The following EEF1AKMT1 variants were observed in gnomAD, a reference collection of about 807,000 sequenced individuals.
EEF1AKMT1 encodes the protein N-6 adenine-specific DNA methyltransferase 2 (putative).
In EEF1AKMT1, 18 loss-of-function variants were observed where a neutral mutation model predicts 21.0. The observed-to-expected ratio is 0.86, with a 90% CI of 0.59 to 1.27. EEF1AKMT1 has a LOEUF of 1.27. Ranked by LOEUF, EEF1AKMT1 falls within the 50% of genes most tolerant of loss-of-function variation. EEF1AKMT1 has a pLI of 0.00. For missense variants in EEF1AKMT1, 246 were observed against 258.6 expected (o/e 0.95, Z 0.33); for synonymous variants, 109 against 94.8 (o/e 1.15, Z -0.87).
chr13:20,741,421 CTTTG>C (rs775406380), intron 2 of EEF1AKMT1, among the ~76,000 whole-genome samples: 1 of 150,010 alleles, frequency 6.7e-6, no homozygotes. Context: ...CAATAGCATC[CTTTG>C]TTTGTTTGTT....
At chr13:20,754,713 T>A (rs1305158263) in intron 2 of EEF1AKMT1, among the ~76,000 whole-genome samples, 1 of 136,840 alleles carries the variant, frequency 7.3e-6, no homozygotes. Context: ...CTGGCCAACA[T>A]GGTAAAACCC....
At chr13:20,750,373 G>A (rs988626122) in intron 2 of EEF1AKMT1, among the ~76,000 whole-genome samples, 1 of 151,908 alleles carries the variant, frequency 6.6e-6, no homozygotes, top group African/African-American at 2.4e-5. Context: ...CCAGCCTCTG[G>A]TATCTATCAT....
At position 20,748,882 on chromosome 13, in the gene EEF1AKMT1, A is replaced by C. The variant is rs1402385947; in HGVS notation, c.144+8573T>G. Among the ~76,000 whole-genome samples the C allele has an allele frequency of 3.3e-5, 5 of 152,002 alleles. No individual in the cohort carries two copies. The East Asian group carries it at 9.7e-4, about 30-fold the overall frequency. On this transcript the variant is annotated intron_variant, in intron 2 of 4. Coordinates refer to ENST00000382758, the MANE Select transcript of EEF1AKMT1 (RefSeq NM_001318939.2). Reference sequence around the variant, plus strand: ...GTAGCTGGGACTACAGGCACGCGCCACCATACCTGGCTAATTTTTGTATTT... The same window carrying C: ...GTAGCTGGGACTACAGGCACGCGCCCCCATACCTGGCTAATTTTTGTATTT...
intron 4 of EEF1AKMT1, among the ~76,000 whole-genome samples, chr13:20,729,432 A>G (rs2058779018): frequency 6.6e-6 from 1 of 151,990 alleles, no homozygotes. Flanking sequence ...TTATTGAATG[A>G]ATTATTTTCC....
intron 2 of EEF1AKMT1, among the ~76,000 whole-genome samples, chr13:20,746,656 C>T (rs559236313): frequency 4.6e-5 from 7 of 152,038 alleles, no homozygotes; most frequent in Non-Finnish European, 8.8e-5. Flanking sequence ...CCTTCTTCCT[C>T]ACTCCAACAC....
intron 2 of EEF1AKMT1, among the ~76,000 whole-genome samples, chr13:20,742,675 A>T (rs138862405): frequency 1.2e-3 from 179 of 152,286 alleles, no homozygotes; most frequent in African/African-American, 4.1e-3. Flanking sequence ...TGGCTTTCTG[A>T]CAAAGTTGCT....
chr13:20,746,609 G>A lies in EEF1AKMT1; in HGVS notation c.145-8804C>T, dbSNP rs541274365. On this transcript the variant is annotated intron_variant, in intron 2 of 4. Transcript: ENST00000382758. ...CAGTATCTGCTATCATGCACCGTAAGTGGTAAGAGTTGTCTGCTGGTTTAC... is the reference window on the plus strand; with the variant it reads ...CAGTATCTGCTATCATGCACCGTAAATGGTAAGAGTTGTCTGCTGGTTTAC... 4.4e-3 allele frequency among the ~76,000 whole-genome samples: 664 copies of A among 152,344 alleles called. 4 individuals are homozygous for A. The highest frequency in any genetic ancestry group is 6.5e-3 in the Non-Finnish European group (444 of 68,038).
At chr13:20,742,509 A>G (rs934115764) in intron 2 of EEF1AKMT1, among the ~76,000 whole-genome samples, 2 of 152,212 alleles carry the variant, frequency 1.3e-5, no homozygotes, top group African/African-American at 4.8e-5. Flanking sequence ...CCATTCTGTA[A>G]TCACATCTGA....
At position 20,728,762 on chromosome 13, in the gene EEF1AKMT1, C is replaced by T. The variant is rs2058773296; in HGVS notation, c.*318G>A. 1 of 351,190 alleles carries T rather than the reference C, an allele frequency of 2.8e-6. No homozygotes were observed. Among genetic ancestry groups the T allele is most frequent in the South Asian group, 2.8e-5 (1 of 35,250 alleles). 21.8% of individuals were successfully genotyped at this position (351,190 alleles called of 1,614,324 possible). A position where few individuals can be genotyped will look rare whatever the true frequency, so the allele number is the denominator to read the frequency against. On this transcript the variant is annotated 3_prime_UTR_variant, in exon 5 of 5. Coordinates refer to ENST00000382758, the MANE Select transcript of EEF1AKMT1 (RefSeq NM_001318939.2). ...CCCGAGGCAGAGGCCAAGGTCCTGT[C>T]TCATTCAGGAGCCCTTGGGCAAGCC...
At chr13:20,761,846 T>C (rs2059002802) in intron 1 of EEF1AKMT1, among the ~76,000 whole-genome samples, 1 of 152,232 alleles carries the variant, frequency 6.6e-6, no homozygotes, top group Non-Finnish European at 1.5e-5. Context: ...TTAAAGTGTA[T>C]AATTCAGGTG....
At chr13:20,765,892 T>G (rs975804256) in intron 1 of EEF1AKMT1, among the ~76,000 whole-genome samples, 3 of 151,928 alleles carry the variant, frequency 2.0e-5, no homozygotes, top group Admixed American at 2.0e-4. Flanking sequence ...AACCTTGTCA[T>G]GAGGGAATGC....
intron 1 of EEF1AKMT1, among the ~76,000 whole-genome samples, chr13:20,758,287 T>C (rs185689760): frequency 1.1e-3 from 172 of 152,286 alleles, no homozygotes; most frequent in African/African-American, 3.9e-3. Context: ...TCCTTTCCAT[T>C]GATTCCAAGA....
intron 2 of EEF1AKMT1, among the ~76,000 whole-genome samples, chr13:20,755,909 G>C (rs1423483769): frequency 1.3e-5 from 2 of 152,070 alleles, no homozygotes; most frequent in African/African-American, 4.8e-5. Context: ...AAAAGAAAAA[G>C]ACAGACCACC....
At chr13:20,748,715 G>GGTTTTTTGTTTT (rs1555326495) in intron 2 of EEF1AKMT1, among the ~76,000 whole-genome samples, 1 of 105,848 alleles carries the variant, frequency 9.4e-6, no homozygotes, top group African/African-American at 3.7e-5. Context: ...ATGTATAGTT[G>GGTTTTTTGTTTT]TTTTTTTTTG....
intron 2 of EEF1AKMT1, among the ~76,000 whole-genome samples, chr13:20,748,715 G>GGTTTGTTTTTTTTTTTTTTT (rs1555326495): frequency 9.5e-6 from 1 of 105,810 alleles, no homozygotes; most frequent in African/African-American, 3.7e-5. Context: ...ATGTATAGTT[G>GGTTTGTTTTTTTTTTTTTTT]TTTTTTTTTG....
chr13:20,748,680 C>T (rs2058921954), intron 2 of EEF1AKMT1, among the ~76,000 whole-genome samples: 1 of 147,156 alleles, frequency 6.8e-6, no homozygotes, highest in African/African-American at 2.5e-5. Flanking sequence ...TCATACACAT[C>T]ATTTGCCTTT....
chr13:20,740,354 G>A (rs1210338343), intron 2 of EEF1AKMT1, among the ~76,000 whole-genome samples: 1 of 152,294 alleles, frequency 6.6e-6, no homozygotes, highest in East Asian at 1.9e-4. Flanking sequence ...CTTCGGCCTC[G>A]GCCACCTCAG....
chr13:20,771,580 G>C (rs909439866), intron 1 of EEF1AKMT1, among the ~76,000 whole-genome samples: 3 of 152,178 alleles, frequency 2.0e-5, no homozygotes, highest in African/African-American at 7.2e-5. Context: ...AAGATTAATG[G>C]AGGAACACAT....
At chr13:20,757,075 C>T (rs1267738075) in intron 2 of EEF1AKMT1, among the ~76,000 whole-genome samples, 10 of 152,196 alleles carry the variant, frequency 6.6e-5, no homozygotes. Context: ...TGGGTACGAG[C>T]TATAACACAG....
Sources: allele counts gnomAD v4.1 joint callset (sites outside exome capture counted in the v4.1 genomes callset), GRCh38; gene constraint gnomAD v4.1.1; transcripts MANE v1.5; gene names NCBI Gene and HGNC (gene_info 2026-07-23, HGNC 2026-07-21).